IL1RAPL2: variants seen among roughly 807,000 people sequenced by gnomAD.
IL1RAPL2 encodes X-linked interleukin-1 receptor accessory protein-like 2.
Under a neutral mutation model 44.1 loss-of-function variants are expected in IL1RAPL2, and 3 were observed. That is an observed-to-expected ratio of 0.07 (90% CI 0.03 to 0.18). The LOEUF (loss-of-function observed/expected upper bound fraction) is 0.18, where lower values mean the gene tolerates loss of function less well. Ranked by LOEUF, IL1RAPL2 falls within the 10% of genes least tolerant of loss-of-function variation. IL1RAPL2 has a pLI of 1.00. For synonymous variants in IL1RAPL2, 181 were observed against 178.8 expected, an observed-to-expected ratio of 1.01 and a Z score of -0.10; for missense variants, 391 against 496.4, an observed-to-expected ratio of 0.79 and a Z score of 2.02.
chrX:104,694,188 T>C (rs780218425), intron 2 of IL1RAPL2, among the ~76,000 whole-genome samples: 2 of 112,066 alleles, frequency 1.8e-5, no homozygotes, highest in East Asian at 5.6e-4. Context: ...CTTTTCATTG[T>C]TCCTCAGAAT....
At chrX:104,817,020 AG>A (rs1156557484) in intron 2 of IL1RAPL2, among the ~76,000 whole-genome samples, 1 of 112,907 alleles carries the variant, frequency 8.9e-6, no homozygotes, top group Non-Finnish European at 1.9e-5. Context: ...CAAAAGATAC[AG>A]GGGGAACTCT....
chrX:105,006,206 C>T (rs1335237680), intron 2 of IL1RAPL2, among the ~76,000 whole-genome samples: 1 of 110,298 alleles, frequency 9.1e-6, no homozygotes, highest in East Asian at 2.9e-4. Context: ...TATTTTTCCC[C>T]TCCTCGTGGG....
At chrX:104,916,697 C>T (rs1924448770) in intron 2 of IL1RAPL2, among the ~76,000 whole-genome samples, 1 of 111,359 alleles carries the variant, frequency 9.0e-6, no homozygotes, top group Admixed American at 9.6e-5. Context: ...ATGATATTGG[C>T]TGTGGGTTTG....
Position 104,730,672 on chromosome X carries a change from G to A in IL1RAPL2, c.82+71677G>A, listed in dbSNP as rs766481751. 3.4e-3 allele frequency among the ~76,000 whole-genome samples: 354 copies of A among 105,388 alleles called. 1 individual carries two copies. Among genetic ancestry groups the A allele is most frequent in the African/African-American group, 0.011 (334 of 29,519 alleles). 91.5% of individuals were successfully genotyped at this position (105,388 alleles called of 115,157 possible). On this transcript the variant is annotated intron_variant, in intron 2 of 10. Coordinates refer to ENST00000372582, the MANE Select transcript of IL1RAPL2 (RefSeq NM_017416.2). ...AGTCTTTGCTATTGTGAATAGTGTC[G>A]CAATAAACATACGTGTGCATGTGTC...
chrX:104,608,997 T>C (rs987667305), intron 1 of IL1RAPL2, among the ~76,000 whole-genome samples: 13 of 111,892 alleles, frequency 1.2e-4, no homozygotes, highest in Non-Finnish European at 2.3e-4. Context: ...TACCGGTTGT[T>C]CCTTTCCATG....
intron 2 of IL1RAPL2, among the ~76,000 whole-genome samples, chrX:105,057,130 G>C (rs2032004461): frequency 9.3e-5 from 1 of 10,736 alleles, no homozygotes; most frequent in Non-Finnish European, 1.6e-4. Flanking sequence ...TTTTAAACAG[G>C]AGTTGAAAGC....
At chrX:105,437,048 TAC>T (rs1473617680) in intron 5 of IL1RAPL2, among the ~76,000 whole-genome samples, 1 of 104,882 alleles carries the variant, frequency 9.5e-6, no homozygotes, top group Non-Finnish European at 1.9e-5. Flanking sequence ...TATATATATA[TAC>T]CATATTTATT....
intron 4 of IL1RAPL2, among the ~76,000 whole-genome samples, chrX:105,258,735 A>T (rs1014463046): frequency 8.9e-6 from 1 of 111,878 alleles, no homozygotes; most frequent in African/African-American, 3.3e-5. Flanking sequence ...AATACTTGTG[A>T]TTACATTATG....
intron 6 of IL1RAPL2, among the ~76,000 whole-genome samples, chrX:105,611,130 T>C (rs1452762690): frequency 8.9e-6 from 1 of 111,807 alleles, no homozygotes; most frequent in African/African-American, 3.2e-5. Context: ...CAACTAAAAA[T>C]TTGAAAACAG....
chrX:105,524,100 C>T (rs1391701518), intron 6 of IL1RAPL2, among the ~76,000 whole-genome samples: 1 of 111,406 alleles, frequency 9.0e-6, no homozygotes, highest in Admixed American at 9.6e-5. Flanking sequence ...TAGAAGTTCT[C>T]GGCTCAAAGG....
At chrX:104,654,187 T>C (rs1930208264) in intron 1 of IL1RAPL2, among the ~76,000 whole-genome samples, 1 of 111,266 alleles carries the variant, frequency 9.0e-6, no homozygotes, top group Non-Finnish European at 1.9e-5. Flanking sequence ...AGTTTCATTC[T>C]AAGTGCTTGA....
intron 2 of IL1RAPL2, among the ~76,000 whole-genome samples, chrX:104,701,540 T>C (rs1203437840): frequency 2.7e-5 from 3 of 112,141 alleles, no homozygotes; most frequent in African/African-American, 9.7e-5. Context: ...GCTCTGTGTT[T>C]ACCAGCTACT....
chrX:105,426,794 A>G (rs2035814039), intron 5 of IL1RAPL2, among the ~76,000 whole-genome samples: 1 of 111,572 alleles, frequency 9.0e-6, no homozygotes, highest in Non-Finnish European at 1.9e-5. Context: ...CATTGTGCAG[A>G]CATGCCATCC....
intron 1 of IL1RAPL2, among the ~76,000 whole-genome samples, chrX:104,598,406 C>G (rs770843206): frequency 8.9e-6 from 1 of 112,065 alleles, no homozygotes; most frequent in African/African-American, 3.2e-5. Flanking sequence ...ACCGGCTAGT[C>G]GCAGCCATCT....
chrX:104,578,202 C>G (rs1928278286), intron 1 of IL1RAPL2, among the ~76,000 whole-genome samples: 1 of 111,670 alleles, frequency 9.0e-6, no homozygotes, highest in Non-Finnish European at 1.9e-5. Context: ...TTATCTCAGG[C>G]CTGGGGCAGA....
intron 2 of IL1RAPL2, among the ~76,000 whole-genome samples, chrX:105,042,306 G>GAA (rs1471594467): frequency 9.1e-6 from 1 of 109,331 alleles, no homozygotes; most frequent in African/African-American, 3.3e-5. Flanking sequence ...CAGAATGGGA[G>GAA]AAAATTTTTG....
chrX:105,392,302 T>C (rs1156796134), intron 5 of IL1RAPL2, among the ~76,000 whole-genome samples: 1 of 110,855 alleles, frequency 9.0e-6, no homozygotes, highest in Non-Finnish European at 1.9e-5. Flanking sequence ...ATAGGGCCTG[T>C]CTGAAATATT....
intron 5 of IL1RAPL2, among the ~76,000 whole-genome samples, chrX:105,312,345 G>C (rs1182389311): frequency 1.8e-5 from 2 of 111,914 alleles, no homozygotes; most frequent in African/African-American, 6.5e-5. Flanking sequence ...TTTAGAGTCA[G>C]TTAAAGATAC....
At chrX:105,604,671 C>A (rs1282025798) in intron 6 of IL1RAPL2, among the ~76,000 whole-genome samples, 15 of 110,607 alleles carry the variant, frequency 1.4e-4, no homozygotes, top group Non-Finnish European at 1.9e-4. Flanking sequence ...ACTCTGAAAC[C>A]AAAACCAGAC....
Sources: allele counts gnomAD v4.1 joint callset (sites outside exome capture counted in the v4.1 genomes callset), GRCh38; gene constraint gnomAD v4.1.1; transcripts MANE v1.5; gene names NCBI Gene and HGNC (gene_info 2026-07-23, HGNC 2026-07-21).